TENM2: variants seen among roughly 807,000 people sequenced by gnomAD.
TENM2 encodes teneurin transmembrane protein 2.
In TENM2, 52 loss-of-function variants were observed where a neutral mutation model predicts 245.2. The observed-to-expected ratio is 0.21, with a 90% CI of 0.17 to 0.27. The LOEUF is 0.27. TENM2 is among the 10% of genes least tolerant of loss of function. TENM2 has a pLI of 1.00. For synonymous variants in TENM2, 1,363 were observed against 1,438.9 expected (o/e 0.95, Z 1.19); for missense variants, 3,046 against 3,666.8 (o/e 0.83, Z 4.37).
At chr5:167,094,632 A>G in the TENM2 span, among the ~76,000 whole-genome samples, 1 of 152,180 alleles carries the variant, frequency 6.6e-6, no homozygotes, top group South Asian at 2.1e-4. Flanking sequence ...CTCTAAATTG[A>G]TCATGTTGAA....
chr5:167,534,257 A>G (rs1414629155), intron 2 of TENM2, among the ~76,000 whole-genome samples: 1 of 152,176 alleles, frequency 6.6e-6, no homozygotes, highest in African/African-American at 2.4e-5. Flanking sequence ...GGGTAGAGGA[A>G]AAAATAAAAT....
intron 2 of TENM2, among the ~76,000 whole-genome samples, chr5:167,813,732 A>C (rs1024496281): frequency 6.6e-6 from 1 of 152,094 alleles, no homozygotes; most frequent in African/African-American, 2.4e-5. Context: ...GGAACAGGCT[A>C]TGCCCCCAGT....
intron 2 of TENM2, among the ~76,000 whole-genome samples, chr5:167,684,993 G>A (rs973911599): frequency 5.3e-5 from 8 of 152,108 alleles, no homozygotes; most frequent in African/African-American, 1.9e-4. Context: ...CTCTCAATTG[G>A]TACTCAGTGC....
exon 12 of TENM2, chr5:168,126,897 T>C: frequency 6.2e-7 from 1 of 1,608,936 alleles, no homozygotes; most frequent in South Asian, 1.1e-5. Context: ...AGATGGCAAA[T>C]GTGAATGCCG....
intron 3 of TENM2, among the ~76,000 whole-genome samples, chr5:167,929,062 A>AAAG (rs1778017248): frequency 3.1e-4 from 1 of 3,216 alleles, no homozygotes; most frequent in Non-Finnish European, 6.1e-4. Flanking sequence ...AGAAAGAGAG[A>AAAG]AAGAAAGAAA....
At chr5:167,434,349 G>A (rs1764416874) in intron 2 of TENM2, among the ~76,000 whole-genome samples, 1 of 144,464 alleles carries the variant, frequency 6.9e-6, no homozygotes, top group Non-Finnish European at 1.5e-5. Flanking sequence ...GGGAGGCAGA[G>A]GTTGCAGTGA....
Position 167,955,549 on chromosome 5 carries a change from A to G in TENM2, c.947+2727A>G, listed in dbSNP as rs535747333. Reference sequence around the variant, plus strand: ...TGTCATGAAGTCTTTGCCCATGCCTATGTCCTGAATGGTATTGCCTAGGTT... The same window carrying G: ...TGTCATGAAGTCTTTGCCCATGCCTGTGTCCTGAATGGTATTGCCTAGGTT... On this transcript the variant is annotated intron_variant, in intron 4 of 28. Coordinates refer to ENST00000518659, the Ensembl canonical transcript of TENM2. Among the ~76,000 whole-genome samples, 15 of 152,246 alleles carry G rather than the reference A, an allele frequency of 9.9e-5. No individual in the cohort carries two copies. In the East Asian group the frequency reaches 2.5e-3, roughly 25 times the overall value.
At chr5:167,001,240 G>A in the TENM2 span, among the ~76,000 whole-genome samples, 2 of 152,076 alleles carry the variant, frequency 1.3e-5, no homozygotes, top group South Asian at 4.1e-4. Context: ...GCAAGCCTTG[G>A]TTAAAACTAC....
the TENM2 span, among the ~76,000 whole-genome samples, chr5:167,135,149 T>C: frequency 1.3e-5 from 2 of 152,342 alleles, no homozygotes; most frequent in Middle Eastern, 3.4e-3. Flanking sequence ...TTCTGGGGTT[T>C]AGAGCTCTGT....
At chr5:168,171,877 C>T (rs538281423) in intron 13 of TENM2, among the ~76,000 whole-genome samples, 3 of 152,342 alleles carry the variant, frequency 2.0e-5, no homozygotes, top group Non-Finnish European at 4.4e-5. Context: ...ATGTTGGCTT[C>T]CTGTATTTGT....
chr5:167,276,351 TTTGTG>T, the TENM2 span, among the ~76,000 whole-genome samples: 64 of 35,456 alleles, frequency 1.8e-3, no homozygotes, highest in African/African-American at 3.7e-3. Context: ...GCCTGTTCAT[TTTGTG>T]TGTGTGTGTG....
At chr5:168,221,892 C>T (rs548482200) in intron 23 of TENM2, among the ~76,000 whole-genome samples, 4 of 152,256 alleles carry the variant, frequency 2.6e-5, no homozygotes, top group African/African-American at 9.6e-5. Flanking sequence ...ACGTTGGACA[C>T]GTTATTTAAC....
chr5:167,457,953 G>A (rs1766022491), intron 2 of TENM2, among the ~76,000 whole-genome samples: 1 of 151,996 alleles, frequency 6.6e-6, no homozygotes, highest in Non-Finnish European at 1.5e-5. Flanking sequence ...ATTTTCAAAT[G>A]CAGTCATTTG....
chr5:167,648,314 T>A (rs556753984), intron 2 of TENM2, among the ~76,000 whole-genome samples: 24 of 152,206 alleles, frequency 1.6e-4, no homozygotes, highest in Non-Finnish European at 3.4e-4. Context: ...ACAAAAAGTA[T>A]ACACACAGAA....
At chr5:167,009,631 C>T in the TENM2 span, among the ~76,000 whole-genome samples, 1 of 152,080 alleles carries the variant, frequency 6.6e-6, no homozygotes, top group Non-Finnish European at 1.5e-5. Flanking sequence ...CTTCTTTGGC[C>T]TTGGGGTTGT....
chr5:167,958,959 TG>T (rs1374087593), intron 4 of TENM2, among the ~76,000 whole-genome samples: 1 of 152,158 alleles, frequency 6.6e-6, no homozygotes, highest in African/African-American at 2.4e-5. Flanking sequence ...TTATGTGTCT[TG>T]GGGTTGCTCT....
At position 167,670,223 on chromosome 5, in the gene TENM2, G is replaced by A. The variant is rs1755843774; in HGVS notation, c.503-205763G>A. Among the ~76,000 whole-genome samples, 4 of 152,216 alleles carry A rather than the reference G, an allele frequency of 2.6e-5. No homozygotes were observed. In the South Asian group the frequency reaches 8.3e-4, roughly 32 times the overall value. Reference sequence around the variant, plus strand: ...GATGTTTCACATCAAAAAGATGGATGGCAATGCATCCAAGAGGGAGCGCTT... The same window carrying A: ...GATGTTTCACATCAAAAAGATGGATAGCAATGCATCCAAGAGGGAGCGCTT... On this transcript the variant is annotated intron_variant, in intron 2 of 28. Coordinates refer to ENST00000518659, the Ensembl canonical transcript of TENM2.
At chr5:168,098,077 C>G in exon 9 of TENM2, 1 of 1,613,688 alleles carries the variant, frequency 6.2e-7, no homozygotes, top group African/African-American at 1.3e-5. Flanking sequence ...GAATGTGTGT[C>G]CGGGGTGTGT....
chr5:167,648,473 G>A (rs1780112475), intron 2 of TENM2, among the ~76,000 whole-genome samples: 2 of 152,100 alleles, frequency 1.3e-5, no homozygotes, highest in African/African-American at 4.8e-5. Flanking sequence ...CCAGTGATGG[G>A]GACAACAGGA....
Sources: gnomAD v4.1 joint callset for allele counts (sites outside exome capture counted in the v4.1 genomes callset) on GRCh38, gnomAD v4.1.1 for gene constraint, MANE v1.5 for transcripts, NCBI Gene and HGNC (gene_info 2026-07-23, HGNC 2026-07-21) for gene names.